The following XPOT variants were observed in gnomAD, a reference collection of about 807,000 sequenced individuals.
XPOT encodes exportin-T.
A neutral mutation model predicts 128.2 loss-of-function variants in XPOT; 34 were observed. The observed-to-expected ratio is 0.27, with a 90% CI of 0.20 to 0.35. The LOEUF is 0.35. XPOT is among the 10% of genes least tolerant of loss of function. XPOT has a pLI of 1.00. For synonymous variants in XPOT, 348 were observed against 394.3 expected, an observed-to-expected ratio of 0.88 and a Z score of 1.39; for missense variants, 838 against 1,125.3, an observed-to-expected ratio of 0.74 and a Z score of 3.65.
Position 64,434,790 on chromosome 12 carries a change from A to G in XPOT, c.2570-4A>G. 1 of 1,611,266 alleles carries G rather than the reference A, an allele frequency of 6.2e-7. No homozygotes were observed. The highest frequency in any genetic ancestry group is 8.5e-7 in the Non-Finnish European group (1 of 1,179,352). Reference sequence around the variant, plus strand: ...TAAGATGAAAATTTGAATTCTCTTGACAGGAGGTAAAGATGGACCAGTGGG... The same window carrying G: ...TAAGATGAAAATTTGAATTCTCTTGGCAGGAGGTAAAGATGGACCAGTGGG... On this transcript the variant is annotated splice_region_variant and splice_polypyrimidine_tract_variant and intron_variant, in intron 20 of 24. Transcript: ENST00000332707.
At position 64,409,995 on chromosome 12, in the gene XPOT, A is replaced by C. The variant is rs2040022042; in HGVS notation, c.-41A>C. The C allele has an allele frequency of 1.3e-6, 2 of 1,559,964 alleles. No individual in the cohort carries two copies. The highest frequency in any genetic ancestry group is 4.5e-5 in the East Asian group (2 of 44,534). On this transcript the variant is annotated 5_prime_UTR_variant, in exon 2 of 25. Transcript: ENST00000332707. ...AAATTCTTCTGTGGGATCAGAGGGC[A>C]CGCCTATTACAACCAGAAAACTACA...
rs144557344 is a variant in XPOT, at chr12:64,431,578, C to A, written c.2017C>A (p.Gln673Lys). The A allele has an allele frequency of 3.4e-4, 553 of 1,613,910 alleles. 1 individual carries two copies. Among genetic ancestry groups the A allele is most frequent in the Non-Finnish European group, 4.0e-4 (469 of 1,179,834 alleles). The change falls in exon 18 of 25, where the codon CAA becomes AAA. Residue 673 changes from glutamine to lysine, a missense_variant. Physicochemically the swap from Gln to Lys is moderately conservative, Grantham distance 53. Transcript: ENST00000332707. The part of the protein sequence containing the change: ...KAFSNKQTVK[Q>K]CGCSEVYLDC... ...TTTCAGCAACAAACAGACTGTGAAA[C>A]AATGTGGCTGTTCCGAAGTTTATCT... is the stretch of plus-strand genomic sequence containing the variant.
intron 1 of XPOT, among the ~76,000 whole-genome samples, chr12:64,407,908 T>C (rs905977526): frequency 2.0e-5 from 3 of 152,140 alleles, no homozygotes; most frequent in African/African-American, 7.2e-5. Flanking sequence ...TCCTGAGTTA[T>C]TTGATTCAGG....
rs2040021792 is a variant in XPOT at position 64,409,957 on chromosome 12, G to T, written c.-74-5G>T. ...GTTTTCTTTCAACTTTGTTTTTTGT[G>T]GCAGATGTTTATAAATTCTTCTGTG... On this transcript the variant is annotated splice_polypyrimidine_tract_variant and splice_region_variant and intron_variant, in intron 1 of 24. Transcript: ENST00000332707. 2 of 1,174,828 alleles carry T rather than the reference G, an allele frequency of 1.7e-6. No homozygotes were observed. Among genetic ancestry groups the T allele is most frequent in the Non-Finnish European group, 2.5e-6 (2 of 793,626 alleles). The allele number at this position is 1,174,828 out of a possible 1,614,324, so 72.8% of individuals were successfully genotyped here. A position where few individuals can be genotyped will look rare whatever the true frequency, so the allele number is the denominator to read the frequency against.
intron 24 of XPOT, among the ~76,000 whole-genome samples, chr12:64,445,676 C>T (rs1363407088): frequency 6.6e-6 from 1 of 152,086 alleles, no homozygotes; most frequent in Admixed American, 6.5e-5. Context: ...TCATTCATTT[C>T]ATACATAATG....
intron 19 of XPOT, 66 bp from the exon 20 acceptor site, chr12:64,434,441 G>C (rs1482908499): frequency 9.3e-7 from 1 of 1,075,124 alleles, no homozygotes; most frequent in Non-Finnish European, 1.4e-6. Flanking sequence ...TATATGAAAA[G>C]AGAACTTCAG....
intron 17 of XPOT, among the ~76,000 whole-genome samples, chr12:64,430,558 G>GGA (rs59305881): frequency 0.42 from 63,775 of 151,874 alleles, 15,926 homozygotes; most frequent in Non-Finnish European, 0.56. Flanking sequence ...CAGCTGAAGT[G>GGA]TTAATATACC....
Position 64,420,237 on chromosome 12 carries a change from C to T in XPOT, c.657C>T (p.Ser219=), listed in dbSNP as rs2040125731. 1.9e-6 allele frequency: 3 copies of T among 1,597,892 alleles called. No individual in the cohort carries two copies. The highest frequency in any genetic ancestry group is 2.6e-6 in the Non-Finnish European group (3 of 1,174,538). Residue 219 remains serine, a synonymous_variant, in exon 7 of 25, where the codon TCC becomes TCT. Coordinates refer to ENST00000332707, the MANE Select transcript of XPOT (RefSeq NM_007235.6). The part of the protein sequence containing the change: ...VGAYVSWIDL[S]LIANDRFINM... ...CTTATGTCTCTTGGATAGACTTATC[C>T]CTTATAGCCAATGATAGGTAAGTAT...
rs2040404179 is a variant in XPOT, at chr12:64,450,588, A to T, written c.*2457A>T. ...GTGTGTAATAAAAATTAAACTCTTC[A>T]TGTTATATAATCATGCATAACTTCT... On this transcript the variant is annotated 3_prime_UTR_variant, in exon 25 of 25. Transcript: ENST00000332707. The T allele has an allele frequency of 6.6e-6, 1 of 152,212 alleles. No homozygotes were observed. Among genetic ancestry groups the T allele is most frequent in the South Asian group, 2.1e-4 (1 of 4,828 alleles). 9.4% of individuals were successfully genotyped at this position (152,212 alleles called of 1,614,324 possible).
rs1333750331 is a variant in XPOT at position 64,428,068 on chromosome 12, T to C, written c.1685T>C (p.Phe562Ser). ...TTTTTCAGTAAGCAAATGAATCCTT[T>C]CATTGAGGATATTTTGAATAGAATA... Reference protein sequence around the residue: ...VKSLNKQMNPFIEDILNRIQD... With the variant: ...VKSLNKQMNPSIEDILNRIQD... Residue 562 changes from phenylalanine (F) to serine (S), a missense_variant, in exon 16 of 25, where the codon TTC (phenylalanine) becomes TCC (serine). Transcript: ENST00000332707. The C allele has an allele frequency of 6.4e-7, 1 of 1,572,940 alleles. No individual in the cohort carries two copies. The highest frequency in any genetic ancestry group is 8.7e-7 in the Non-Finnish European group (1 of 1,144,478).
chr12:64,421,113 A>C, intron 8 of XPOT, 122 bp from the exon 9 acceptor site: 2 of 803,184 alleles, frequency 2.5e-6, no homozygotes, highest in East Asian at 4.9e-5. Flanking sequence ...GGAATTGTTA[A>C]ATATATGACG....
At chr12:64,433,728 G>A (rs897656625) in intron 19 of XPOT, 125 bp downstream of exon 19, 14 of 870,896 alleles carry the variant, frequency 1.6e-5, no homozygotes, top group Non-Finnish European at 2.3e-5. Flanking sequence ...TGGGAAGACA[G>A]TTTATTGTTT....
intron 23 of XPOT, among the ~76,000 whole-genome samples, chr12:64,439,765 G>T (rs1255840616): frequency 6.6e-6 from 1 of 152,120 alleles, no homozygotes; most frequent in African/African-American, 2.4e-5. Flanking sequence ...ACTATTTTAA[G>T]GAAAGTGTCT....
intron 4 of XPOT, 98 bp from the exon 5 acceptor site, chr12:64,417,948 T>G: frequency 1.2e-6 from 1 of 823,034 alleles, no homozygotes; most frequent in Admixed American, 2.7e-5. Flanking sequence ...AATTGAGAGC[T>G]ATACAAATTT....
chr12:64,415,123 C>T (rs748962795), intron 3 of XPOT, 134 bp downstream of exon 3: 61 of 598,112 alleles, frequency 1.0e-4, no homozygotes, highest in Non-Finnish European at 1.6e-4. Flanking sequence ...AAGCCATTAA[C>T]ATATAGTCAT....
chr12:64,438,428 G>A (rs1273642773), intron 22 of XPOT, among the ~76,000 whole-genome samples: 1 of 152,096 alleles, frequency 6.6e-6, no homozygotes, highest in African/African-American at 2.4e-5. Context: ...AAGATGAGAA[G>A]GAAAGTAGGA....
intron 17 of XPOT, among the ~76,000 whole-genome samples, chr12:64,430,840 A>G (rs893533670): frequency 6.6e-6 from 1 of 152,198 alleles, no homozygotes; most frequent in Admixed American, 6.5e-5. Flanking sequence ...CTAAATTTAA[A>G]TGGGTGGTTT....
chr12:64,437,582 A>G (rs1160405487), intron 22 of XPOT, among the ~76,000 whole-genome samples: 1 of 152,304 alleles, frequency 6.6e-6, no homozygotes, highest in East Asian at 1.9e-4. Context: ...AAAAAATAAG[A>G]TGAGACTAGA....
Position 64,425,818 on chromosome 12 carries a change from G to A in XPOT, c.1576G>A (p.Ala526Thr). 6.2e-7 allele frequency: 1 copy of A among 1,613,658 alleles called. No homozygotes were observed. The highest frequency in any genetic ancestry group is 8.5e-7 in the Non-Finnish European group (1 of 1,179,798). The change falls in exon 15 of 25, where the codon GCT becomes ACT. Residue 526 changes from alanine to threonine, a missense_variant. By Grantham distance (58) the Ala-to-Thr change is moderately conservative. Coordinates refer to ENST00000332707, the MANE Select transcript of XPOT (RefSeq NM_007235.6). ...GTAAAAGTGTCTCCTTCTTTAGATG[G>A]CTTTCTTAGATCACAGAGGTCTGCG... is the stretch of plus-strand genomic sequence containing the variant. ...EPQHIPCVLM[A>T]FLDHRGLRHS... is the part of the protein sequence containing the mutation.
Sources: allele counts gnomAD v4.1 joint callset (sites outside exome capture counted in the v4.1 genomes callset), GRCh38; gene constraint gnomAD v4.1.1; transcripts MANE v1.5; gene names NCBI Gene and HGNC (gene_info 2026-07-23, HGNC 2026-07-21).